The following CFAP100 variants were observed in gnomAD, a reference collection of about 807,000 sequenced individuals.
The protein encoded by CFAP100 is cilia and flagella associated protein 100.
CFAP100 carries 70 observed loss-of-function variants against 81.5 expected under a neutral mutation model. That is an observed-to-expected ratio of 0.86 (90% CI 0.71 to 1.05). The LOEUF (loss-of-function observed/expected upper bound fraction) is 1.05. Ranked by LOEUF, CFAP100 falls within the 50% of genes least tolerant of loss-of-function variation. The pLI, the probability that CFAP100 is intolerant of heterozygous loss-of-function variation, is 0.00. For missense variants in CFAP100, 811 were observed against 776.5 expected, an observed-to-expected ratio of 1.04 and a Z score of -0.53; for synonymous variants, 341 against 314.8, an observed-to-expected ratio of 1.08 and a Z score of -0.88.
At chr3:126,430,150 C>T in intron 13 of CFAP100, among the ~76,000 whole-genome samples, 1 of 152,134 alleles carries the variant, frequency 6.6e-6, no homozygotes, top group Non-Finnish European at 1.5e-5. Context: ...TTAGCTTCTA[C>T]TTATTTGGGA....
chr3:126,400,141 A>T lies in CFAP100; in HGVS notation c.49+4092A>T, dbSNP rs2082950930. On this transcript the variant is annotated intron_variant, in intron 2 of 16. Transcript: ENST00000352312. ...TCTTTGACAAATGATTGATATCAAG[A>T]ATATAGAAAGAAATCCTAACACTCA... Among the ~76,000 whole-genome samples, 3 of 152,230 alleles carry T rather than the reference A, an allele frequency of 2.0e-5. No homozygotes were observed. The South Asian group carries it at 6.2e-4, about 31-fold the overall frequency.
intron 13 of CFAP100, chr3:126,432,782 T>C (rs147015554): frequency 2.9e-5 from 8 of 271,930 alleles, no homozygotes; most frequent in African/African-American, 1.5e-4. Flanking sequence ...TATAAAAAAT[T>C]ACTGACTTGT....
intron 2 of CFAP100, among the ~76,000 whole-genome samples, chr3:126,402,823 G>A (rs1347712282): frequency 6.6e-6 from 1 of 151,758 alleles, no homozygotes; most frequent in Non-Finnish European, 1.5e-5. Flanking sequence ...CGGTGGTGGG[G>A]GGTGCAGTCC....
chr3:126,407,917 C>T (rs565313567), intron 3 of CFAP100, among the ~76,000 whole-genome samples: 4 of 152,298 alleles, frequency 2.6e-5, no homozygotes, highest in African/African-American at 9.6e-5. Context: ...TGCCTGGACT[C>T]CCTGCTGTCT....
At chr3:126,414,376 T>A (rs1231959329) in intron 4 of CFAP100, 197 bp downstream of exon 4, 14 of 682,292 alleles carry the variant, frequency 2.1e-5, no homozygotes, top group African/African-American at 3.5e-5. Flanking sequence ...ATCCCACCCA[T>A]CTTCCCGTCT....
At chr3:126,418,402 GGCC>G in intron 5 of CFAP100, 53 bp from the exon 6 acceptor site, 1 of 1,551,978 alleles carries the variant, frequency 6.4e-7, no homozygotes, top group Non-Finnish European at 8.9e-7. Context: ...AGACCTGCCA[GGCC>G]CCTCCTCAGC....
At chr3:126,426,815 AGGTTGCAG>A (rs1932967739) in intron 13 of CFAP100, among the ~76,000 whole-genome samples, 1 of 152,242 alleles carries the variant, frequency 6.6e-6, no homozygotes, top group South Asian at 2.1e-4. Context: ...GCAAGAAGCA[AGGTTGCAG>A]GATACAAGAT....
rs760445522 is a variant in CFAP100, at chr3:126,419,759, C to T, written c.854C>T (p.Ala285Val). 15 of 1,614,048 alleles carry T rather than the reference C, an allele frequency of 9.3e-6. No individual in the cohort carries two copies. The South Asian group carries it at 1.1e-4, about 12-fold the overall frequency. ...QEKKHSFLKK[A>V]KEVSEASKES... Reference sequence around the variant, plus strand: ...AAGAAACACTCGTTTCTCAAAAAGGCCAAGGAGGTCTCCGAGGCTTCCAAA... The same window carrying T: ...AAGAAACACTCGTTTCTCAAAAAGGTCAAGGAGGTCTCCGAGGCTTCCAAA... Residue 285 changes from alanine (A) to valine (V), a missense_variant, in exon 9 of 17, where the codon GCC becomes GTC. Ala to Val is a moderately conservative substitution (Grantham distance 64). Transcript: ENST00000352312.
intron 2 of CFAP100, among the ~76,000 whole-genome samples, chr3:126,397,664 C>T (rs1308912194): frequency 6.6e-6 from 1 of 152,160 alleles, no homozygotes; most frequent in African/African-American, 2.4e-5. Context: ...CACCCAGGGC[C>T]AGGGGTCTCA....
intron 16 of CFAP100, 111 bp from the exon 17 acceptor site, chr3:126,436,180 G>T: frequency 1.4e-6 from 1 of 724,292 alleles, no homozygotes; most frequent in East Asian, 2.7e-5. Flanking sequence ...GCTGACCAGA[G>T]TGGCCTGGAG....
chr3:126,432,827 G>A (rs1465358345), intron 13 of CFAP100: 9 of 385,736 alleles, frequency 2.3e-5, no homozygotes, highest in Admixed American at 1.3e-4. Flanking sequence ...TTTATTGTCT[G>A]TGAATTATGC....
At chr3:126,422,355 G>C (rs1430532618) in intron 11 of CFAP100, among the ~76,000 whole-genome samples, 1 of 152,240 alleles carries the variant, frequency 6.6e-6, no homozygotes, top group African/African-American at 2.4e-5. Flanking sequence ...AGCCTCTCCT[G>C]GGAAGCCCTC....
chr3:126,422,124 A>G (rs981121965), intron 11 of CFAP100, among the ~76,000 whole-genome samples: 4 of 152,118 alleles, frequency 2.6e-5, no homozygotes, highest in Non-Finnish European at 5.9e-5. Flanking sequence ...TAAGGCACTC[A>G]CTCAGCCAAG....
Position 126,418,913 on chromosome 3 carries a change from G to A in CFAP100, c.650+139G>A. ...AGCACCAGGGCCGGTCGGGAGCCAA[G>A]GGCAGGGGACACTACGGGCAAAAGG... is the stretch of plus-strand genomic sequence containing the variant. On this transcript the variant is annotated intron_variant, in intron 7 of 16. Coordinates refer to ENST00000352312, the MANE Select transcript of CFAP100 (RefSeq NM_182628.3). 4.3e-6 allele frequency: 5 copies of A among 1,162,008 alleles called. No individual in the cohort carries two copies. In the South Asian group the frequency reaches 7.4e-5, roughly 17 times the overall value. The allele number at this position is 1,162,008 out of a possible 1,614,324, so 72.0% of individuals were successfully genotyped here.
At chr3:126,413,330 C>T (rs145952509) in intron 3 of CFAP100, among the ~76,000 whole-genome samples, 29 of 152,322 alleles carry the variant, frequency 1.9e-4, no homozygotes, top group Middle Eastern at 3.4e-3. Context: ...TCTGTGACAC[C>T]AGAGTCACCC....
chr3:126,402,813 C>T (rs1401001989), intron 2 of CFAP100, among the ~76,000 whole-genome samples: 4 of 122,520 alleles, frequency 3.3e-5, no homozygotes, highest in Non-Finnish European at 3.5e-5. Context: ...GCCTGGGGGT[C>T]GGTGGTGGGG....
At chr3:126,400,028 G>A (rs757191715) in intron 2 of CFAP100, among the ~76,000 whole-genome samples, 14 of 152,152 alleles carry the variant, frequency 9.2e-5, no homozygotes, top group African/African-American at 3.4e-4. Context: ...GCAACCTCCC[G>A]GCTCTGTTGG....
Position 126,416,318 on chromosome 3 carries a change from A to G in CFAP100, c.228A>G (p.Glu76=). ...CCGACTTGGCCCGACGCCCCCAGGA[A>G]CGGCAGCAGCAGAAGACGATGCGGG... ...RDQERNKALS[E]RQQQKTMRVH... The change falls in exon 5 of 17, where the codon GAA becomes GAG. Residue 76 remains glutamate (E), a splice_region_variant and synonymous_variant. Transcript: ENST00000352312. The G allele has an allele frequency of 6.3e-7, 1 of 1,581,326 alleles. No individual in the cohort carries two copies. Among genetic ancestry groups the G allele is most frequent in the South Asian group, 1.1e-5 (1 of 88,514 alleles).
intron 2 of CFAP100, among the ~76,000 whole-genome samples, chr3:126,406,341 G>A (rs987788470): frequency 3.3e-5 from 5 of 152,050 alleles, no homozygotes; most frequent in East Asian, 1.9e-4. Flanking sequence ...CTGTCTTCCC[G>A]CTCAGTGTTT....
Sources: gnomAD v4.1 joint callset for allele counts (sites outside exome capture counted in the v4.1 genomes callset) on GRCh38, gnomAD v4.1.1 for gene constraint, MANE v1.5 for transcripts, NCBI Gene and HGNC (gene_info 2026-07-23, HGNC 2026-07-21) for gene names.